NBAS: variants seen among roughly 807,000 people sequenced by gnomAD.
NBAS encodes the protein NBAS subunit of NRZ tethering complex, also known as NAG/BC035112 fusion.
A neutral mutation model predicts 302.5 loss-of-function variants in NBAS; 219 were observed. That is an observed-to-expected ratio of 0.72 (90% CI 0.65 to 0.81). The LOEUF is 0.81. NBAS is among the 30% of genes least tolerant of loss of function. The probability of loss-of-function intolerance (pLI) is 0.00; values close to 1 mark genes in which losing one functional copy is unlikely to be tolerated. For missense variants in NBAS, 2,932 were observed against 2,841.6 expected, an observed-to-expected ratio of 1.03 and a Z score of -0.72; for synonymous variants, 1,118 against 1,021.6, an observed-to-expected ratio of 1.09 and a Z score of -1.80.
At chr2:15,094,364 C>T in the NBAS span, among the ~76,000 whole-genome samples, 1 of 152,166 alleles carries the variant, frequency 6.6e-6, no homozygotes. Flanking sequence ...AAATACATTG[C>T]TCCTGGTAAT....
chr2:14,844,610 A>G, the NBAS span, among the ~76,000 whole-genome samples: 108 of 152,274 alleles, frequency 7.1e-4, 2 homozygotes, highest in South Asian at 8.5e-3. Context: ...GGGGTCCCCA[A>G]TTCCAAGCCT....
chr2:15,176,562 T>C (rs1664551806), intron 51 of NBAS, among the ~76,000 whole-genome samples: 1 of 152,238 alleles, frequency 6.6e-6, no homozygotes, highest in Non-Finnish European at 1.5e-5. Context: ...CGGGTCATAA[T>C]ATTACAGGTA....
chr2:15,554,572 A>G (rs1664555627), intron 3 of NBAS, among the ~76,000 whole-genome samples: 1 of 150,162 alleles, frequency 6.7e-6, no homozygotes, highest in African/African-American at 2.5e-5. Flanking sequence ...AGAATTGGGC[A>G]CAGGGTAAAG....
At chr2:15,526,969 G>A (rs1274874043) in intron 9 of NBAS, among the ~76,000 whole-genome samples, 1 of 151,800 alleles carries the variant, frequency 6.6e-6, no homozygotes, top group Non-Finnish European at 1.5e-5. Context: ...AATAATGCCA[G>A]GAAAAAAGAA....
chr2:14,924,945 T>C, the NBAS span, among the ~76,000 whole-genome samples: 2 of 152,206 alleles, frequency 1.3e-5, no homozygotes, highest in Non-Finnish European at 2.9e-5. Flanking sequence ...TTTTAATCTA[T>C]TATTCTCTGG....
the NBAS span, among the ~76,000 whole-genome samples, chr2:14,781,506 G>A: frequency 1.3e-5 from 2 of 151,896 alleles, no homozygotes; most frequent in Admixed American, 6.6e-5. Context: ...AGCATGGCAG[G>A]TTCTGGTCAT....
the NBAS span, among the ~76,000 whole-genome samples, chr2:14,785,125 G>T: frequency 6.6e-6 from 1 of 152,104 alleles, no homozygotes; most frequent in Non-Finnish European, 1.5e-5. Flanking sequence ...CTGTTTGTCT[G>T]TTATTGGTGT....
intron 21 of NBAS, among the ~76,000 whole-genome samples, chr2:15,454,165 A>C (rs1055700859): frequency 6.6e-6 from 1 of 152,208 alleles, no homozygotes; most frequent in Non-Finnish European, 1.5e-5. Context: ...TATTTTAAAT[A>C]CTGCAATATT....
At chr2:15,144,756 C>A in the NBAS span, among the ~76,000 whole-genome samples, 2 of 152,196 alleles carry the variant, frequency 1.3e-5, no homozygotes, top group African/African-American at 4.8e-5. Context: ...GCTTTGCCAA[C>A]TCAGAAACAG....
the NBAS span, among the ~76,000 whole-genome samples, chr2:15,143,404 G>A: frequency 5.9e-5 from 9 of 152,274 alleles, no homozygotes; most frequent in East Asian, 7.7e-4. Context: ...ACTGGTTGAC[G>A]GAGCAGTTTT....
At chr2:14,828,261 GGTTT>G in the NBAS span, among the ~76,000 whole-genome samples, 1 of 152,202 alleles carries the variant, frequency 6.6e-6, no homozygotes, top group Non-Finnish European at 1.5e-5. Flanking sequence ...ACACCAGGTT[GGTTT>G]GATAACAAGT....
intron 40 of NBAS, among the ~76,000 whole-genome samples, chr2:15,295,937 A>G (rs1670530322): frequency 6.6e-6 from 1 of 152,204 alleles, no homozygotes; most frequent in South Asian, 2.1e-4. Flanking sequence ...GTACCAAAAA[A>G]AAAAAAAGGT....
chr2:15,393,855 A>G, intron 28 of NBAS: 2 of 397,216 alleles, frequency 5.0e-6, no homozygotes. Context: ...CACACAAACA[A>G]AAAAGTTACA....
the NBAS span, among the ~76,000 whole-genome samples, chr2:15,019,914 T>C: frequency 1.3e-5 from 2 of 152,356 alleles, no homozygotes; most frequent in South Asian, 4.1e-4. Flanking sequence ...AATAAATTTC[T>C]GTTGTTTGCA....
At chr2:14,823,942 G>A in the NBAS span, among the ~76,000 whole-genome samples, 2 of 152,168 alleles carry the variant, frequency 1.3e-5, no homozygotes, top group South Asian at 4.1e-4. Context: ...CCACTCCGAG[G>A]CACTGTCTCC....
the NBAS span, among the ~76,000 whole-genome samples, chr2:14,930,309 T>C: frequency 6.6e-6 from 1 of 152,220 alleles, no homozygotes; most frequent in East Asian, 1.9e-4. Flanking sequence ...TGGACCATGC[T>C]ATACTCAGCC....
chr2:15,535,513 C>G (rs920145421), intron 8 of NBAS, among the ~76,000 whole-genome samples: 3 of 134,252 alleles, frequency 2.2e-5, no homozygotes, highest in Non-Finnish European at 4.5e-5. Context: ...CAGAGCAAGA[C>G]TCCGTCTCAG....
chr2:15,224,013 G>T (rs1447165338), intron 47 of NBAS, among the ~76,000 whole-genome samples: 1 of 152,154 alleles, frequency 6.6e-6, no homozygotes, highest in Non-Finnish European at 1.5e-5. Context: ...AACACACTCA[G>T]AATCAGTTTT....
intron 35 of NBAS, among the ~76,000 whole-genome samples, chr2:15,339,837 T>G (rs1382546178): frequency 6.6e-6 from 1 of 151,772 alleles, no homozygotes; most frequent in Non-Finnish European, 1.5e-5. Flanking sequence ...ATACAGATAT[T>G]TGGGAAGAAC....
Sources: allele counts gnomAD v4.1 joint callset (sites outside exome capture counted in the v4.1 genomes callset), GRCh38; gene constraint gnomAD v4.1.1; transcripts MANE v1.5; gene names NCBI Gene and HGNC (gene_info 2026-07-23, HGNC 2026-07-21).